OR7C1: variants seen among roughly 807,000 people sequenced by gnomAD.
OR7C1 encodes olfactory receptor 7C1.
For missense variants in OR7C1, 324 were observed against 383.3 expected, an observed-to-expected ratio of 0.85 and a Z score of 1.29; for synonymous variants, 152 against 160.7, an observed-to-expected ratio of 0.95 and a Z score of 0.41.
chr19:14,810,690 T>C (rs986175308), intron 1 of OR7C1, among the ~76,000 whole-genome samples: 2 of 151,610 alleles, frequency 1.3e-5, no homozygotes, highest in African/African-American at 2.4e-5. Context: ...AGGCCCGAAA[T>C]GAGCTCTTAA....
exon 5 of OR7C1, chr19:14,799,738 C>T (rs368265850): frequency 8.7e-5 from 141 of 1,613,884 alleles, no homozygotes; most frequent in Middle Eastern, 8.2e-4. Context: ...TCATGATGAC[C>T]GTATAGTGCA....
intron 1 of OR7C1, among the ~76,000 whole-genome samples, chr19:14,822,958 T>C (rs2044748193): frequency 6.6e-6 from 1 of 152,142 alleles, no homozygotes; most frequent in South Asian, 2.1e-4. Flanking sequence ...TCTCCTTCCA[T>C]AGGTTGCCTC....
exon 5 of OR7C1, chr19:14,799,262 A>G: frequency 6.2e-7 from 1 of 1,614,092 alleles, no homozygotes; most frequent in Non-Finnish European, 8.5e-7. Context: ...CGTGTTCCTC[A>G]GGCTGTAGAT....
At chr19:14,799,417 G>C in exon 5 of OR7C1, 1 of 1,614,176 alleles carries the variant, frequency 6.2e-7, no homozygotes, top group Non-Finnish European at 8.5e-7. Context: ...GGGAACCACA[G>C]GTGGAAAACG....
In OR7C1 at chr19:14,800,319, G is replaced by A. The variant is rs574002002; in HGVS notation, c.-77C>T. The A allele has an allele frequency of 4.5e-5, 30 of 663,534 alleles. No individual in the cohort carries two copies. The East Asian group carries it at 7.8e-4, about 17-fold the overall frequency. The allele number at this position is 663,534 out of a possible 1,614,324, so 41.1% of individuals were successfully genotyped here. ...TTCCATCCTTTTCTTTGCTACCATC[G>A]GGATCTGGAAATGTAGTGTTAGTTC... On this transcript the variant is annotated 5_prime_UTR_variant, in exon 4 of 5. Coordinates refer to ENST00000641666, the Ensembl canonical transcript of OR7C1.
At chr19:14,799,011 A>T (rs1973828639) in exon 5 of OR7C1, 1 of 776,010 alleles carries the variant, frequency 1.3e-6, no homozygotes, top group African/African-American at 1.8e-5. Context: ...AACCTTGCCA[A>T]GGACTCTGTG....
intron 1 of OR7C1, chr19:14,821,410 G>T (rs1038022923): frequency 6.6e-6 from 1 of 152,126 alleles, no homozygotes; most frequent in Non-Finnish European, 1.5e-5. Context: ...TCAGTTCTAC[G>T]CTGGCTACCT....
At chr19:14,830,874 C>T (rs570227640) in intron 1 of OR7C1, among the ~76,000 whole-genome samples, 61 of 152,180 alleles carry the variant, frequency 4.0e-4, no homozygotes, top group Non-Finnish European at 8.2e-4. Context: ...CTGCACCCGT[C>T]TTATCACCTG....
chr19:14,800,479 C>G (rs762849402), intron 3 of OR7C1, 35 bp from the exon 4 acceptor site: 1 of 229,362 alleles, frequency 4.4e-6, no homozygotes, highest in Admixed American at 5.1e-5. Context: ...AACAATATCA[C>G]CAAGGGTTTC....
At chr19:14,802,091 G>T (rs1216982610) in intron 2 of OR7C1, among the ~76,000 whole-genome samples, 1 of 152,236 alleles carries the variant, frequency 6.6e-6, no homozygotes, top group African/African-American at 2.4e-5. Flanking sequence ...AAACCAGGTT[G>T]GACAGCTTTG....
intron 1 of OR7C1, among the ~76,000 whole-genome samples, chr19:14,828,981 C>T (rs1446618746): frequency 6.6e-6 from 1 of 151,960 alleles, no homozygotes; most frequent in Non-Finnish European, 1.5e-5. Flanking sequence ...CAGATGGGAA[C>T]AGGCGCTTGG....
At chr19:14,828,374 G>T in intron 1 of OR7C1, 1 of 1,073,476 alleles carries the variant, frequency 9.3e-7, no homozygotes, top group Non-Finnish European at 1.3e-6. Context: ...GTATGAATCT[G>T]GTTCTCTTTA....
chr19:14,806,581 G>A (rs544368045), intron 2 of OR7C1, among the ~76,000 whole-genome samples: 1 of 151,944 alleles, frequency 6.6e-6, no homozygotes, highest in Non-Finnish European at 1.5e-5. Flanking sequence ...TCCCCTCCCT[G>A]TGTCCATGCA....
intron 1 of OR7C1, chr19:14,827,892 A>G (rs1016206824): frequency 1.7e-5 from 28 of 1,614,122 alleles, no homozygotes; most frequent in Non-Finnish European, 2.3e-5. Context: ...ATAGGCCATC[A>G]CGGACAGGAG....
At chr19:14,827,476 G>A (rs2044780641) in intron 1 of OR7C1, 1 of 1,613,976 alleles carries the variant, frequency 6.2e-7, no homozygotes, top group Admixed American at 1.7e-5. Flanking sequence ...TACACCCCTA[G>A]GATTGCACCA....
chr19:14,806,655 T>G (rs2044667706), intron 2 of OR7C1, among the ~76,000 whole-genome samples: 1 of 151,994 alleles, frequency 6.6e-6, no homozygotes, highest in Non-Finnish European at 1.5e-5. Context: ...CATTCCTGTG[T>G]TAGTTTGCTG....
intron 1 of OR7C1, among the ~76,000 whole-genome samples, 191 bp from the exon 2 acceptor site, chr19:14,810,184 C>T (rs1021278471): frequency 2.6e-5 from 4 of 151,838 alleles, no homozygotes; most frequent in Non-Finnish European, 5.9e-5. Flanking sequence ...GACACATATT[C>T]CTTTCTATTC....
At chr19:14,825,237 G>A (rs540767178) in intron 1 of OR7C1, 25 of 152,264 alleles carry the variant, frequency 1.6e-4, no homozygotes, top group African/African-American at 5.5e-4. Flanking sequence ...TGCTTAAAAT[G>A]TAAAATACAT....
intron 1 of OR7C1, among the ~76,000 whole-genome samples, chr19:14,810,999 A>G (rs2044688553): frequency 6.6e-6 from 1 of 151,966 alleles, no homozygotes; most frequent in South Asian, 2.1e-4. Flanking sequence ...GACAGTGACT[A>G]AGAGCATGCA....
Sources: allele counts gnomAD v4.1 joint callset (sites outside exome capture counted in the v4.1 genomes callset), GRCh38; gene constraint gnomAD v4.1.1; transcripts MANE v1.5; gene names NCBI Gene and HGNC (gene_info 2026-07-23, HGNC 2026-07-21).